KHDRBS2: variants seen among roughly 807,000 people sequenced by gnomAD.
KHDRBS2 encodes the protein KH RNA binding domain containing, signal transduction associated 2.
A neutral mutation model predicts 44.3 loss-of-function variants in KHDRBS2; 26 were observed. The observed-to-expected ratio is 0.59, with a 90% confidence interval of 0.43 to 0.81. The LOEUF is 0.81. KHDRBS2 is among the 40% of genes least tolerant of loss of function. KHDRBS2 has a pLI of 0.00. For missense variants in KHDRBS2, 476 were observed against 433.1 expected (o/e 1.10, Z -0.88); for synonymous variants, 194 against 151.1 (o/e 1.28, Z -2.08).
intron 8 of KHDRBS2, among the ~76,000 whole-genome samples, chr6:61,688,854 A>C (rs1366555550): frequency 1.3e-5 from 2 of 151,826 alleles, no homozygotes; most frequent in African/African-American, 4.8e-5. Context: ...CTAAATCCTA[A>C]AATTTCCCAA....
chr6:61,846,866 A>G (rs1794491520), intron 6 of KHDRBS2, among the ~76,000 whole-genome samples: 2 of 152,144 alleles, frequency 1.3e-5, no homozygotes, highest in East Asian at 3.9e-4. Flanking sequence ...CATCTTAAAA[A>G]TTACATTTAC....
the KHDRBS2 span, among the ~76,000 whole-genome samples, chr6:61,564,314 T>A: frequency 1.3e-5 from 2 of 152,122 alleles, no homozygotes; most frequent in Non-Finnish European, 2.9e-5. Context: ...GAAACCTTAA[T>A]ATTCAAACAG....
chr6:61,762,767 A>G (rs1356473440), intron 6 of KHDRBS2, among the ~76,000 whole-genome samples: 1 of 152,214 alleles, frequency 6.6e-6, no homozygotes, highest in African/African-American at 2.4e-5. Flanking sequence ...AGAAGCTCAC[A>G]TTCAATGTCA....
At chr6:62,210,580 C>T (rs1312110234) in intron 1 of KHDRBS2, among the ~76,000 whole-genome samples, 1 of 152,098 alleles carries the variant, frequency 6.6e-6, no homozygotes, top group Non-Finnish European at 1.5e-5. Flanking sequence ...ATCCGCCCTC[C>T]TCGGCCTCCC....
At chr6:61,812,848 C>A (rs1370986455) in intron 6 of KHDRBS2, among the ~76,000 whole-genome samples, 1 of 151,912 alleles carries the variant, frequency 6.6e-6, no homozygotes, top group South Asian at 2.1e-4. Flanking sequence ...TACCTTTGGC[C>A]TCAGTACATT....
chr6:62,246,103 TA>T (rs1464548859), intron 1 of KHDRBS2, among the ~76,000 whole-genome samples: 26 of 2,524 alleles, frequency 0.01, no homozygotes, highest in African/African-American at 0.022. Context: ...CAATCAATTT[TA>T]TATATATATA....
At chr6:61,743,042 C>T (rs911595454) in intron 6 of KHDRBS2, among the ~76,000 whole-genome samples, 8 of 152,064 alleles carry the variant, frequency 5.3e-5, no homozygotes, top group African/African-American at 1.4e-4. Context: ...TCTACATTAA[C>T]AAATTAATCT....
At chr6:61,841,531 C>A (rs79666564) in intron 6 of KHDRBS2, among the ~76,000 whole-genome samples, 10,178 of 152,138 alleles carry the variant, frequency 0.067, 408 homozygotes, top group Middle Eastern at 0.13. Context: ...TAATAATGAC[C>A]TCATTAATAA....
At chr6:62,166,909 A>G (rs565617127) in intron 2 of KHDRBS2, among the ~76,000 whole-genome samples, 2 of 152,210 alleles carry the variant, frequency 1.3e-5, no homozygotes, top group South Asian at 4.1e-4. Context: ...TGAGTTAAAC[A>G]AACAAACAAA....
At chr6:62,249,353 T>C (rs927877132) in intron 1 of KHDRBS2, among the ~76,000 whole-genome samples, 2 of 152,026 alleles carry the variant, frequency 1.3e-5, no homozygotes, top group African/African-American at 4.8e-5. Context: ...TAAGGCACAC[T>C]TTACAAAATA....
intron 6 of KHDRBS2, among the ~76,000 whole-genome samples, chr6:61,787,689 T>C (rs1784027003): frequency 6.6e-6 from 1 of 151,720 alleles, no homozygotes; most frequent in South Asian, 2.1e-4. Context: ...TCTTAACCTG[T>C]GTTCCAGCCC....
chr6:62,060,425 C>A (rs552055219), intron 2 of KHDRBS2, among the ~76,000 whole-genome samples: 1 of 151,698 alleles, frequency 6.6e-6, no homozygotes, highest in South Asian at 2.1e-4. Flanking sequence ...TGGAAACCAA[C>A]ATGACAGCAA....
At chr6:62,093,894 A>G (rs750923488) in intron 2 of KHDRBS2, among the ~76,000 whole-genome samples, 2,273 of 78,730 alleles carry the variant, frequency 0.029, 33 homozygotes, top group African/African-American at 0.073. Context: ...GTGTGTGTGT[A>G]TATCACATTT....
At chr6:62,071,964 T>C (rs576825268) in intron 2 of KHDRBS2, among the ~76,000 whole-genome samples, 1 of 152,196 alleles carries the variant, frequency 6.6e-6, no homozygotes, top group Non-Finnish European at 1.5e-5. Flanking sequence ...TGATTCTTCC[T>C]ACCCATGAGC....
chr6:62,155,132 T>A (rs576879045), intron 2 of KHDRBS2, among the ~76,000 whole-genome samples: 74 of 152,122 alleles, frequency 4.9e-4, no homozygotes, highest in African/African-American at 1.7e-3. Flanking sequence ...GGGGTGGCAG[T>A]GGGGCTGAAG....
At chr6:61,704,523 T>C (rs1323924481) in intron 7 of KHDRBS2, among the ~76,000 whole-genome samples, 1 of 151,648 alleles carries the variant, frequency 6.6e-6, no homozygotes, top group Non-Finnish European at 1.5e-5. Context: ...CGCGTATCAG[T>C]ATTAGGGAGA....
rs1310248898 is a variant in KHDRBS2, at chr6:62,216,695, TC to T, written c.92-39384del. On this transcript the variant is annotated intron_variant, in intron 1 of 8. Transcript: ENST00000281156. ...ATAATCTAAACATATTTCTTTCTCC[TC>T]TTTTTTTTTTTTTTGTTTTATTAAG... is the stretch of plus-strand genomic sequence containing the variant. Among the ~76,000 whole-genome samples the T allele has an allele frequency of 1.7e-4, 10 of 60,554 alleles. 1 individual carries two copies. Among genetic ancestry groups the T allele is most frequent in the Non-Finnish European group, 2.9e-4 (9 of 31,370 alleles). The allele number at this position is 60,554 out of a possible 152,430, so 39.7% of individuals were successfully genotyped here.
intron 6 of KHDRBS2, among the ~76,000 whole-genome samples, chr6:61,853,762 T>C (rs511137): frequency 0.57 from 87,213 of 151,992 alleles, 25,207 homozygotes; most frequent in South Asian, 0.68. Context: ...TCAAGGTGGA[T>C]GGTTTTTGGG....
At chr6:61,761,214 G>T (rs1376151151) in intron 6 of KHDRBS2, among the ~76,000 whole-genome samples, 1 of 152,194 alleles carries the variant, frequency 6.6e-6, no homozygotes, top group African/African-American at 2.4e-5. Flanking sequence ...TCAGGATGCA[G>T]ATCAAGGAAA....
Sources: allele counts gnomAD v4.1 joint callset (sites outside exome capture counted in the v4.1 genomes callset), GRCh38; gene constraint gnomAD v4.1.1; transcripts MANE v1.5; gene names NCBI Gene and HGNC (gene_info 2026-07-23, HGNC 2026-07-21).